UBA6: variants seen among roughly 807,000 people sequenced by gnomAD.
The protein encoded by UBA6 is ubiquitin-like modifier-activating enzyme 6.
UBA6 carries 87 observed loss-of-function variants against 148.3 expected under a neutral mutation model. The observed-to-expected ratio is 0.59, with a 90% CI of 0.49 to 0.70. The LOEUF is 0.70. UBA6 is among the 30% of genes least tolerant of loss of function. UBA6 has a pLI of 0.00. For synonymous variants in UBA6, 376 were observed against 401.0 expected (o/e 0.94, Z 0.75); for missense variants, 1,186 against 1,241.2 (o/e 0.96, Z 0.67).
At chr4:67,666,834 C>T (rs550618547) in intron 9 of UBA6, among the ~76,000 whole-genome samples, 17 of 152,128 alleles carry the variant, frequency 1.1e-4, no homozygotes, top group Middle Eastern at 3.4e-3. Context: ...ATGATCATGT[C>T]GCTGCACTTC....
intron 6 of UBA6, among the ~76,000 whole-genome samples, chr4:67,676,900 A>G (rs913455865): frequency 6.1e-5 from 6 of 98,878 alleles, no homozygotes; most frequent in African/African-American, 1.8e-4. Flanking sequence ...TTACTCACAG[A>G]AAAAAAAAAA....
chr4:67,690,590 C>T (rs1306406650), intron 2 of UBA6, among the ~76,000 whole-genome samples: 3 of 151,918 alleles, frequency 2.0e-5, no homozygotes, highest in Non-Finnish European at 4.4e-5. Context: ...TAACTCAATA[C>T]CAAAAAACCC....
At chr4:67,671,200 T>C (rs985426959) in intron 7 of UBA6, among the ~76,000 whole-genome samples, 7 of 152,208 alleles carry the variant, frequency 4.6e-5, no homozygotes, top group African/African-American at 1.2e-4. Context: ...GAAATTATTT[T>C]TGGGCTTAAA....
rs1729114844 is a variant in UBA6, at chr4:67,635,438, T to C, written c.1842+15A>G. The C allele has an allele frequency of 6.9e-7, 1 of 1,444,160 alleles. No individual in the cohort carries two copies. Among genetic ancestry groups the C allele is most frequent in the African/African-American group, 1.4e-5 (1 of 71,186 alleles). 89.5% of individuals were successfully genotyped at this position (1,444,160 alleles called of 1,614,324 possible). A position where few individuals can be genotyped will look rare whatever the true frequency, so the allele number is the denominator to read the frequency against. ...TATAAAAAAGACATCTATTTCAAAATATTGATTCACTTACATGACTATTGT... is the reference window on the plus strand; with the variant it reads ...TATAAAAAAGACATCTATTTCAAAACATTGATTCACTTACATGACTATTGT... On this transcript the variant is annotated intron_variant, in intron 20 of 32. Transcript: ENST00000322244.
At chr4:67,663,417 T>C (rs1194745862) in intron 11 of UBA6, 1 of 452,232 alleles carries the variant, frequency 2.2e-6, no homozygotes. Context: ...GTAAATGATC[T>C]AATCCCCTTT....
At chr4:67,683,784 C>T (rs1281599883) in intron 2 of UBA6, among the ~76,000 whole-genome samples, 3 of 151,998 alleles carry the variant, frequency 2.0e-5, no homozygotes, top group East Asian at 1.9e-4. Context: ...CCAAAATGGA[C>T]GTACCAGGAC....
chr4:67,616,782 T>G lies in UBA6; in HGVS notation c.*2215A>C, dbSNP rs962872596. On this transcript the variant is annotated 3_prime_UTR_variant, in exon 33 of 33. Transcript: ENST00000322244. Reference sequence around the variant, plus strand: ...AATCAGAATCTCTGGAGTCAACTTATGAAACATGATTTACAAAGATATTCT... The same window carrying G: ...AATCAGAATCTCTGGAGTCAACTTAGGAAACATGATTTACAAAGATATTCT... The G allele has an allele frequency of 2.6e-5, 4 of 152,136 alleles. No homozygotes were observed. Among genetic ancestry groups the G allele is most frequent in the Admixed American group, 2.0e-4 (3 of 15,270 alleles). The allele number at this position is 152,136 out of a possible 1,614,324, so 9.4% of individuals were successfully genotyped here. A position where few individuals can be genotyped will look rare whatever the true frequency, so the allele number is the denominator to read the frequency against.
chr4:67,629,222 A>T, intron 26 of UBA6, 80 bp from the exon 27 acceptor site: 2 of 870,042 alleles, frequency 2.3e-6, no homozygotes, highest in Admixed American at 1.8e-5. Flanking sequence ...AAAGGTCCTT[A>T]ATCATATTAC....
intron 22 of UBA6, 76 bp downstream of exon 22, chr4:67,634,166 C>A: frequency 2.1e-6 from 2 of 951,738 alleles, no homozygotes; most frequent in South Asian, 2.0e-5. Flanking sequence ...TAAAATAAAT[C>A]ACTTGTAGAT....
intron 9 of UBA6, among the ~76,000 whole-genome samples, chr4:67,666,837 T>G (rs1039072421): frequency 6.6e-6 from 1 of 152,082 alleles, no homozygotes; most frequent in Admixed American, 6.6e-5. Flanking sequence ...ATCATGTCGC[T>G]GCACTTCAGC....
intron 25 of UBA6, among the ~76,000 whole-genome samples, chr4:67,630,959 C>T (rs568356788): frequency 4.1e-4 from 63 of 152,210 alleles, no homozygotes; most frequent in Middle Eastern, 3.4e-3. Flanking sequence ...AAGAAGCAGT[C>T]CAGCATAAGG....
chr4:67,619,991 A>G (rs1394352223), intron 32 of UBA6, among the ~76,000 whole-genome samples: 1 of 152,208 alleles, frequency 6.6e-6, no homozygotes, highest in African/African-American at 2.4e-5. Flanking sequence ...ATTTTATCAT[A>G]CACTGTGTAC....
In UBA6 at chr4:67,627,576, C is replaced by T. The variant is rs116483552; in HGVS notation, c.2401-1099G>A. Among the ~76,000 whole-genome samples, 1,382 of 151,952 alleles carry T rather than the reference C, an allele frequency of 9.1e-3. 9 individuals are homozygous for T. Among genetic ancestry groups the T allele is most frequent in the Non-Finnish European group, 0.015 (1,029 of 67,844 alleles). On this transcript the variant is annotated intron_variant, in intron 27 of 32. Coordinates refer to ENST00000322244, the MANE Select transcript of UBA6 (RefSeq NM_018227.6). ...TGCCCTTGGAAACATGGGCTGGGAA[C>T]CTTCTTTGGGATTTCTGTTTATCCT... is the stretch of plus-strand genomic sequence containing the variant.
At chr4:67,623,432 C>T (rs769895923) in intron 30 of UBA6, among the ~76,000 whole-genome samples, 7 of 152,078 alleles carry the variant, frequency 4.6e-5, no homozygotes, top group Non-Finnish European at 8.8e-5. Flanking sequence ...TTAATCAGTA[C>T]CTTGCTGATC....
chr4:67,646,852 G>T, intron 14 of UBA6, 61 bp from the exon 15 acceptor site: 2 of 1,064,590 alleles, frequency 1.9e-6, no homozygotes, highest in Non-Finnish European at 2.6e-6. Context: ...ATAAAAAGAA[G>T]CTCCTTTATA....
At chr4:67,628,644 A>G (rs1690943257) in intron 27 of UBA6, among the ~76,000 whole-genome samples, 1 of 151,834 alleles carries the variant, frequency 6.6e-6, no homozygotes, top group South Asian at 2.1e-4. Flanking sequence ...ACATTGGTCC[A>G]ATGTATTTTA....
chr4:67,643,800 C>CA (rs1175588055), intron 17 of UBA6, among the ~76,000 whole-genome samples: 1 of 152,010 alleles, frequency 6.6e-6, no homozygotes, highest in Non-Finnish European at 1.5e-5. Flanking sequence ...TTCTTCATTA[C>CA]AGTTCTTTTC....
At chr4:67,628,997 C>T in intron 27 of UBA6, 74 bp downstream of exon 27, 1 of 1,007,960 alleles carries the variant, frequency 9.9e-7, no homozygotes, top group Non-Finnish European at 1.6e-6. Context: ...TGATATTCTC[C>T]AGGTTTAGAA....
chr4:67,629,040 A>G (rs375306960), intron 27 of UBA6, 31 bp downstream of exon 27: 12 of 1,487,718 alleles, frequency 8.1e-6, no homozygotes, highest in Middle Eastern at 1.7e-4. Context: ...TTCCCAAACT[A>G]TTTGCTGAAT....
Sources: gnomAD v4.1 joint callset for allele counts (sites outside exome capture counted in the v4.1 genomes callset) on GRCh38, gnomAD v4.1.1 for gene constraint, MANE v1.5 for transcripts, NCBI Gene and HGNC (gene_info 2026-07-23, HGNC 2026-07-21) for gene names.